KLF12: variants seen among roughly 807,000 people sequenced by gnomAD.
The protein encoded by KLF12 is KLF transcription factor 12, also known as Krueppel-like factor 12.
In KLF12, 9 loss-of-function variants were observed where a neutral mutation model predicts 37.8. That is an observed-to-expected ratio of 0.24 (90% CI 0.14 to 0.42). KLF12 has a LOEUF of 0.42. KLF12 is among the 10% of genes least tolerant of loss of function. The probability of loss-of-function intolerance (pLI) is 1.00; values close to 1 mark genes in which losing one functional copy is unlikely to be tolerated. For synonymous variants in KLF12, 208 were observed against 202.1 expected, an observed-to-expected ratio of 1.03 and a Z score of -0.25; for missense variants, 411 against 516.0, an observed-to-expected ratio of 0.80 and a Z score of 1.97.
Position 73,688,157 on chromosome 13 carries a change from CTAAGT to C in KLF12, c.*7328_*7332del, listed in dbSNP as rs1873604932. The stretch of plus-strand genomic sequence containing the variant: ...AGAAATGACATTCTCTTAATGTTTT[CTAAGT>C]CCATTAGTACTTCCATGAATCAATA... On this transcript the variant is annotated 3_prime_UTR_variant, in exon 8 of 8. Transcript: ENST00000377669. The C allele has an allele frequency of 6.6e-6, 1 of 152,588 alleles. No individual in the cohort carries two copies. The highest frequency in any genetic ancestry group is 1.5e-5 in the Non-Finnish European group (1 of 68,032). 9.5% of individuals were successfully genotyped at this position (152,588 alleles called of 1,614,324 possible).
chr13:73,973,735 AGAAAT>A (rs1384181515), intron 2 of KLF12, among the ~76,000 whole-genome samples: 1 of 152,184 alleles, frequency 6.6e-6, no homozygotes, highest in Non-Finnish European at 1.5e-5. Flanking sequence ...TAAAGAAAGA[AGAAAT>A]GAAAGAAAGA....
chr13:73,816,259 G>C (rs1883210038), intron 4 of KLF12, among the ~76,000 whole-genome samples: 1 of 152,178 alleles, frequency 6.6e-6, no homozygotes, highest in African/African-American at 2.4e-5. Context: ...AGGAAGGACT[G>C]ATTCTCTGGC....
chr13:74,072,406 T>TATATATATAAAA (rs1487459834), intron 1 of KLF12, among the ~76,000 whole-genome samples: 8 of 119,718 alleles, frequency 6.7e-5, no homozygotes, highest in African/African-American at 2.4e-4. Flanking sequence ...TATATATATA[T>TATATATATAAAA]AAAAGATTAT....
intron 1 of KLF12, among the ~76,000 whole-genome samples, chr13:74,061,706 T>C (rs761423602): frequency 9.9e-5 from 15 of 152,180 alleles, no homozygotes; most frequent in African/African-American, 3.1e-4. Context: ...CACTGAAACA[T>C]GGTGGCACTC....
At chr13:73,701,754 GC>G (rs1874571147) in intron 7 of KLF12, among the ~76,000 whole-genome samples, 1 of 152,028 alleles carries the variant, frequency 6.6e-6, no homozygotes, top group Admixed American at 6.6e-5. Flanking sequence ...TTGGTGTATA[GC>G]TTATTAACTT....
chr13:73,873,777 T>C (rs1886581440), intron 3 of KLF12, among the ~76,000 whole-genome samples: 1 of 152,122 alleles, frequency 6.6e-6, no homozygotes, highest in Non-Finnish European at 1.5e-5. Flanking sequence ...AAAGAAAATG[T>C]CAAGCTACAA....
chr13:73,963,760 A>G (rs1485232981), intron 2 of KLF12, among the ~76,000 whole-genome samples: 1 of 152,236 alleles, frequency 6.6e-6, no homozygotes, highest in Non-Finnish European at 1.5e-5. Context: ...TAAGTTGTCA[A>G]GGAGAAGCAG....
At chr13:73,844,572 A>T (rs541932155) in intron 4 of KLF12, 4 of 152,204 alleles carry the variant, frequency 2.6e-5, no homozygotes, top group Non-Finnish European at 5.9e-5. Context: ...TAGGAAGGTG[A>T]AACTTATTTC....
chr13:73,824,541 A>G (rs2138527554), intron 4 of KLF12, among the ~76,000 whole-genome samples: 1 of 152,296 alleles, frequency 6.6e-6, no homozygotes, highest in East Asian at 1.9e-4. Context: ...CTATTCAAAA[A>G]TGACTGGGAA....
At chr13:73,998,832 T>A (rs1892192290) in intron 1 of KLF12, among the ~76,000 whole-genome samples, 1 of 152,232 alleles carries the variant, frequency 6.6e-6, no homozygotes, top group Non-Finnish European at 1.5e-5. Context: ...ATCTAAATAT[T>A]TCTGGAGATA....
At chr13:73,826,261 C>A (rs1883839266) in intron 4 of KLF12, among the ~76,000 whole-genome samples, 1 of 152,162 alleles carries the variant, frequency 6.6e-6, no homozygotes, top group South Asian at 2.1e-4. Context: ...TCATGAGCCA[C>A]CACGCCTGGC....
chr13:74,283,115 A>G, the KLF12 span, among the ~76,000 whole-genome samples: 1 of 152,210 alleles, frequency 6.6e-6, no homozygotes, highest in African/African-American at 2.4e-5. Flanking sequence ...TGAGTTTCCA[A>G]CCTACCAAAT....
chr13:74,194,644 C>A, the KLF12 span, among the ~76,000 whole-genome samples: 2 of 152,152 alleles, frequency 1.3e-5, no homozygotes, highest in Non-Finnish European at 2.9e-5. Flanking sequence ...TTGGCAAATA[C>A]CTAAACTATA....
intron 5 of KLF12, among the ~76,000 whole-genome samples, chr13:73,773,575 A>G (rs1880402983): frequency 7.9e-6 from 1 of 125,892 alleles, no homozygotes; most frequent in East Asian, 2.2e-4. Context: ...TATGTCCATT[A>G]TATCTGTGTT....
At chr13:74,281,029 C>T in the KLF12 span, among the ~76,000 whole-genome samples, 1 of 152,034 alleles carries the variant, frequency 6.6e-6, no homozygotes, top group African/African-American at 2.4e-5. Context: ...TCTTATGCTT[C>T]TCCTAGACTT....
chr13:74,000,267 A>G (rs777800306), intron 1 of KLF12, among the ~76,000 whole-genome samples: 1 of 152,142 alleles, frequency 6.6e-6, no homozygotes, highest in Non-Finnish European at 1.5e-5. Context: ...CTTCCTCAAT[A>G]TCACCTTCAA....
In KLF12 at chr13:74,022,895, C is replaced by A. The variant is rs564003709; in HGVS notation, c.-31-27842G>T. Among the ~76,000 whole-genome samples the A allele has an allele frequency of 9.2e-5, 14 of 152,084 alleles. No individual in the cohort carries two copies. In the East Asian group the frequency reaches 1.5e-3, roughly 17 times the overall value. ...ACTGTGGAAAAAAAAAAAAAATCAC[C>A]GGGAGCTTCAAAACTCTCTTCGACC... is the stretch of plus-strand genomic sequence containing the variant. On this transcript the variant is annotated intron_variant, in intron 1 of 7. Transcript: ENST00000377669.
At chr13:74,142,981 ACCTTCCTTCCTTCCTTCTTT>A in the KLF12 span, among the ~76,000 whole-genome samples, 3 of 151,066 alleles carry the variant, frequency 2.0e-5, no homozygotes, top group Non-Finnish European at 4.4e-5. Context: ...CTTAATAAAG[ACCTTCCTTCCTTCCTTCTTT>A]CCTTCCTTCC....
chr13:73,974,430 G>T (rs1281919283), intron 2 of KLF12, among the ~76,000 whole-genome samples: 3 of 152,132 alleles, frequency 2.0e-5, no homozygotes, highest in Admixed American at 1.3e-4. Context: ...AGAAGACAAA[G>T]GAGCATCGTC....
Sources: gnomAD v4.1 joint callset for allele counts (sites outside exome capture counted in the v4.1 genomes callset) on GRCh38, gnomAD v4.1.1 for gene constraint, MANE v1.5 for transcripts, NCBI Gene and HGNC (gene_info 2026-07-23, HGNC 2026-07-21) for gene names.